SGCE: variants seen among roughly 807,000 people sequenced by gnomAD.
SGCE encodes the protein sarcoglycan epsilon.
In SGCE, 26 loss-of-function variants were observed where a neutral mutation model predicts 57.8. The ratio of observed to expected loss-of-function variants is 0.45; its 90% confidence interval spans 0.33 to 0.62. SGCE has a LOEUF of 0.62. Ranked by LOEUF, SGCE falls within the 20% of genes least tolerant of loss-of-function variation. SGCE has a pLI of 0.02. For synonymous variants in SGCE, 183 were observed against 189.5 expected (o/e 0.97, Z 0.28); for missense variants, 468 against 548.6 (o/e 0.85, Z 1.47).
At chr7:94,599,056 T>C in intron 8 of SGCE, 93 bp from the exon 9 acceptor site, 1 of 916,288 alleles carries the variant, frequency 1.1e-6, no homozygotes, top group Non-Finnish European at 1.7e-6. Context: ...TATTTTTATC[T>C]TTTAAAATAA....
rs1024957590 is a variant in SGCE at position 94,599,619 on chromosome 7, A to C, written c.1064+78T>G. The C allele has an allele frequency of 7.5e-5, 80 of 1,071,688 alleles. No individual in the cohort carries two copies. In the South Asian group the frequency reaches 8.9e-4, roughly 12 times the overall value. The allele number at this position is 1,071,688 out of a possible 1,614,324, so 66.4% of individuals were successfully genotyped here. On this transcript the variant is annotated intron_variant, in intron 8 of 10. Transcript: ENST00000648936. ...GATGACAAATGAAAAAAAGCTTGAC[A>C]CACATGTATGGAGCATGATGGGCAA...
intron 1 of SGCE, among the ~76,000 whole-genome samples, chr7:94,654,439 C>T (rs1400893126): frequency 6.6e-6 from 1 of 152,126 alleles, no homozygotes; most frequent in Non-Finnish European, 1.5e-5. Context: ...AATTTGACAG[C>T]GGTCACCAGA....
chr7:94,591,187 AT>A (rs1797629329), intron 9 of SGCE, among the ~76,000 whole-genome samples: 1 of 152,200 alleles, frequency 6.6e-6, no homozygotes, highest in Non-Finnish European at 1.5e-5. Flanking sequence ...AAAAAGATCA[AT>A]TTATAAACTA....
At chr7:94,655,904 G>C in intron 1 of SGCE, 86 bp downstream of exon 1, 1 of 828,454 alleles carries the variant, frequency 1.2e-6, no homozygotes, top group Non-Finnish European at 2.0e-6. Context: ...CAAAGGGCGC[G>C]CTCAGGCGCC....
intron 5 of SGCE, among the ~76,000 whole-genome samples, chr7:94,610,536 T>TA (rs1266106148): frequency 6.6e-6 from 1 of 152,088 alleles, no homozygotes; most frequent in Non-Finnish European, 1.5e-5. Flanking sequence ...TCAAAGACTT[T>TA]AAGAGCTAAA....
Position 94,634,155 on chromosome 7 carries a change from T to C in SGCE, c.110-4314A>G, listed in dbSNP as rs537791212. Among the ~76,000 whole-genome samples, 39 of 152,310 alleles carry C rather than the reference T, an allele frequency of 2.6e-4. 1 individual carries two copies. In the East Asian group the frequency reaches 2.7e-3, roughly 11 times the overall value. On this transcript the variant is annotated intron_variant, in intron 1 of 10. Transcript: ENST00000648936. ...TCTTATAGATGCTTTATTAATAAACTAATCACTTTAAAATGTCCATTTATA... is the reference window on the plus strand; with the variant it reads ...TCTTATAGATGCTTTATTAATAAACCAATCACTTTAAAATGTCCATTTATA...
chr7:94,603,006 T>C (rs990111798), intron 6 of SGCE, among the ~76,000 whole-genome samples: 1 of 152,200 alleles, frequency 6.6e-6, no homozygotes, highest in Non-Finnish European at 1.5e-5. Flanking sequence ...CTATCTGTGC[T>C]CATTAGCAGC....
intron 1 of SGCE, among the ~76,000 whole-genome samples, chr7:94,638,664 G>A (rs1294242953): frequency 6.6e-6 from 1 of 151,256 alleles, no homozygotes; most frequent in African/African-American, 2.4e-5. Context: ...GAAATATTAA[G>A]TGCAAGTTCA....
Position 94,655,869 on chromosome 7 carries a change from C to T in SGCE, c.109+121G>A, listed in dbSNP as rs1584802669. 1.3e-5 allele frequency: 9 copies of T among 688,220 alleles called. No homozygotes were observed. In the East Asian group the frequency reaches 2.2e-4, roughly 17 times the overall value. 42.6% of individuals were successfully genotyped at this position (688,220 alleles called of 1,614,324 possible). The stretch of plus-strand genomic sequence containing the variant: ...ACTGAAGGAGGGGTACGGTGGGGTC[C>T]GGGACAGAAAGAGAGGCTGGTGCCC... On this transcript the variant is annotated intron_variant, in intron 1 of 10. Transcript: ENST00000648936.
chr7:94,588,914 A>G lies in SGCE; in HGVS notation c.1254-182T>C, dbSNP rs187958903. Reference sequence around the variant, plus strand: ...AAACTGAGGTCTGAGGAGAATAAAAATTAACAATATTTGATAACATGCATG... The same window carrying G: ...AAACTGAGGTCTGAGGAGAATAAAAGTTAACAATATTTGATAACATGCATG... On this transcript the variant is annotated intron_variant, in intron 9 of 10. Transcript: ENST00000648936. 6.3e-6 allele frequency: 4 copies of G among 636,610 alleles called. No homozygotes were observed. The East Asian group carries it at 8.5e-5, about 13-fold the overall frequency. The allele number at this position is 636,610 out of a possible 1,614,324, so 39.4% of individuals were successfully genotyped here.
intron 9 of SGCE, chr7:94,589,412 G>A (rs1020183508): frequency 6.5e-6 from 1 of 153,516 alleles, no homozygotes; most frequent in African/African-American, 2.4e-5. Context: ...CCTTGTAAGG[G>A]GATTGACTTG....
chr7:94,627,038 A>C (rs1803832093), intron 3 of SGCE: 1 of 152,050 alleles, frequency 6.6e-6, no homozygotes, highest in Non-Finnish European at 1.5e-5. Context: ...AAAAAAATTA[A>C]TTTGACAATA....
rs965437968 is a variant in SGCE, at chr7:94,598,966, A to G, written c.1065-3T>C. On this transcript the variant is annotated splice_region_variant and splice_polypyrimidine_tract_variant and intron_variant, in intron 8 of 10. Transcript: ENST00000648936. ...CACTGTGATGGACCAGTTGGATGCTAGGTCAAAAAGAAATAAAACAACATA... is the reference window on the plus strand; with the variant it reads ...CACTGTGATGGACCAGTTGGATGCTGGGTCAAAAAGAAATAAAACAACATA... The G allele has an allele frequency of 5.6e-6, 9 of 1,611,316 alleles. No homozygotes were observed. In the East Asian group the frequency reaches 1.3e-4, roughly 24 times the overall value.
At chr7:94,591,370 C>A (rs1189435070) in intron 9 of SGCE, among the ~76,000 whole-genome samples, 1 of 152,122 alleles carries the variant, frequency 6.6e-6, no homozygotes, top group Non-Finnish European at 1.5e-5. Flanking sequence ...ACACAGTGCA[C>A]CTTCTACACA....
chr7:94,587,257 G>A (rs1340789341), intron 10 of SGCE: 1 of 985,572 alleles, frequency 1.0e-6, no homozygotes, highest in Non-Finnish European at 1.2e-6. Context: ...AAATCTATGT[G>A]ACTACTAAAC....
chr7:94,643,707 A>G (rs1012665108), intron 1 of SGCE, among the ~76,000 whole-genome samples: 1 of 152,206 alleles, frequency 6.6e-6, no homozygotes, highest in Non-Finnish European at 1.5e-5. Context: ...TGTGTGTCCA[A>G]TATCATGGAT....
In SGCE at chr7:94,588,009, A is replaced by G; in HGVS notation, c.1297+680T>C. ...GCTTTTCCAAAAGAGCTACAAAGGC[A>G]TTAATGGTTCCCTGGCAATTAGAAC... is the stretch of plus-strand genomic sequence containing the variant. On this transcript the variant is annotated intron_variant, in intron 10 of 10. Coordinates refer to ENST00000648936, the MANE Select transcript of SGCE (RefSeq NM_003919.3). 3 of 1,398,544 alleles carry G rather than the reference A, an allele frequency of 2.1e-6. No individual in the cohort carries two copies. In the South Asian group the frequency reaches 5.2e-5, roughly 24 times the overall value. 86.6% of individuals were successfully genotyped at this position (1,398,544 alleles called of 1,614,324 possible).
At chr7:94,608,206 G>A (rs1045976332) in intron 5 of SGCE, among the ~76,000 whole-genome samples, 1 of 152,154 alleles carries the variant, frequency 6.6e-6, no homozygotes, top group Non-Finnish European at 1.5e-5. Context: ...GCTGGGCATG[G>A]TGGCACACGC....
chr7:94,606,336 TCAGA>T (rs1243579739), intron 5 of SGCE, among the ~76,000 whole-genome samples: 3 of 152,224 alleles, frequency 2.0e-5, no homozygotes, highest in East Asian at 1.9e-4. Flanking sequence ...TATATTAATT[TCAGA>T]CAGAGCCAAC....
Sources: allele counts gnomAD v4.1 joint callset (sites outside exome capture counted in the v4.1 genomes callset), GRCh38; gene constraint gnomAD v4.1.1; transcripts MANE v1.5; gene names NCBI Gene and HGNC (gene_info 2026-07-23, HGNC 2026-07-21).